The following MIS18A variants were observed in gnomAD, a reference collection of about 807,000 sequenced individuals.
MIS18A encodes MIS18 kinetochore protein A.
Under a neutral mutation model 25.0 loss-of-function variants are expected in MIS18A, and 14 were observed. The ratio of observed to expected loss-of-function variants is 0.56; its 90% confidence interval spans 0.37 to 0.88. The LOEUF (loss-of-function observed/expected upper bound fraction) is 0.88, where lower values mean the gene tolerates loss of function less well. MIS18A is among the 40% of genes least tolerant of loss of function. The pLI, the probability that MIS18A is intolerant of heterozygous loss-of-function variation, is 0.00. For missense variants in MIS18A, 292 were observed against 290.8 expected (o/e 1.00, Z -0.03); for synonymous variants, 134 against 118.6 (o/e 1.13, Z -0.84).
At chr21:32,259,152 G>A in the MIS18A span, among the ~76,000 whole-genome samples, 1 of 152,156 alleles carries the variant, frequency 6.6e-6, no homozygotes, top group Non-Finnish European at 1.5e-5. Flanking sequence ...AGGATTTCAG[G>A]TGGGAGCCAC....
the MIS18A span, among the ~76,000 whole-genome samples, chr21:32,178,061 T>C: frequency 6.6e-6 from 1 of 151,970 alleles, no homozygotes; most frequent in East Asian, 1.9e-4. Flanking sequence ...TGAGATCACA[T>C]GAGCATGCCA....
At chr21:32,206,305 G>T in the MIS18A span, among the ~76,000 whole-genome samples, 2 of 152,110 alleles carry the variant, frequency 1.3e-5, no homozygotes, top group Non-Finnish European at 2.9e-5. Flanking sequence ...GGTGAGGGGG[G>T]ATTACTCTGA....
At chr21:32,162,782 A>G in the MIS18A span, among the ~76,000 whole-genome samples, 22 of 152,354 alleles carry the variant, frequency 1.4e-4, no homozygotes, top group African/African-American at 5.3e-4. Flanking sequence ...TCTTCCAAGC[A>G]GGAACGTACA....
At chr21:32,214,290 C>T in the MIS18A span, among the ~76,000 whole-genome samples, 3 of 152,150 alleles carry the variant, frequency 2.0e-5, no homozygotes, top group East Asian at 3.9e-4. Context: ...TTCAGAGCTC[C>T]ACATCTTGGC....
At chr21:32,259,364 A>G in the MIS18A span, among the ~76,000 whole-genome samples, 1 of 152,180 alleles carries the variant, frequency 6.6e-6, no homozygotes, top group Non-Finnish European at 1.5e-5. Flanking sequence ...AGCACTGAGA[A>G]GGCTGGGGAG....
chr21:32,263,374 T>C (rs988619355), downstream of MIS18A, among the ~76,000 whole-genome samples: 2 of 151,888 alleles, frequency 1.3e-5, no homozygotes, highest in African/African-American at 4.8e-5. Context: ...GGCGGGCGGG[T>C]CACTTGAGGC....
chr21:32,188,348 G>A, the MIS18A span, among the ~76,000 whole-genome samples: 1 of 152,204 alleles, frequency 6.6e-6, no homozygotes, highest in African/African-American at 2.4e-5. Context: ...GATTCTCCAA[G>A]CTCATTTCCC....
chr21:32,193,506 AGATAGATAGATAGATG>A, the MIS18A span, among the ~76,000 whole-genome samples: 8 of 104,668 alleles, frequency 7.6e-5, no homozygotes, highest in African/African-American at 2.5e-4. Context: ...ATAGATAGAT[AGATAGATAGATAGATG>A]GATAGATCGA....
chr21:32,195,143 T>C, the MIS18A span, among the ~76,000 whole-genome samples: 2 of 152,340 alleles, frequency 1.3e-5, no homozygotes, highest in African/African-American at 4.8e-5. Context: ...ATCAAAAAGA[T>C]TTGAATCTGT....
At chr21:32,174,117 A>T in the MIS18A span, among the ~76,000 whole-genome samples, 2 of 151,896 alleles carry the variant, frequency 1.3e-5, no homozygotes, top group South Asian at 4.2e-4. Context: ...GGTGCCCGCC[A>T]CCATGCCCAG....
the MIS18A span, among the ~76,000 whole-genome samples, chr21:32,191,153 A>C: frequency 4.6e-5 from 7 of 152,232 alleles, no homozygotes; most frequent in Non-Finnish European, 8.8e-5. Flanking sequence ...TCAACAAATA[A>C]ATGTCCAGGG....
the MIS18A span, among the ~76,000 whole-genome samples, chr21:32,159,603 G>C: frequency 1.3e-5 from 2 of 152,206 alleles, no homozygotes; most frequent in Non-Finnish European, 2.9e-5. Context: ...CTGTGACACA[G>C]CTCTCAGCGG....
chr21:32,278,985 G>A lies in MIS18A; in HGVS notation c.30C>T (p.Ser10=), dbSNP rs2031880163. The A allele has an allele frequency of 6.2e-7, 1 of 1,609,496 alleles. No individual in the cohort carries two copies. The highest frequency in any genetic ancestry group is 8.5e-7 in the Non-Finnish European group (1 of 1,179,220). MAGVRSLRC[S]RGCAGGCECG... ...ACTCACAGCCGCCAGCGCATCCTCT[G>A]CTACACCTCAGTGACCGAACGCCTG... is the stretch of plus-strand genomic sequence containing the variant. Residue 10 remains serine (S), a synonymous_variant, in exon 1 of 5, where the codon AGC becomes AGT. Coordinates refer to ENST00000290130, the MANE Select transcript of MIS18A (RefSeq NM_018944.3).
At chr21:32,193,720 C>CTT in the MIS18A span, among the ~76,000 whole-genome samples, 1 of 145,240 alleles carries the variant, frequency 6.9e-6, no homozygotes, top group African/African-American at 2.5e-5. Context: ...TAAACTATTT[C>CTT]TTTTTTTTTT....
chr21:32,249,947 A>C, the MIS18A span, among the ~76,000 whole-genome samples: 1 of 151,966 alleles, frequency 6.6e-6, no homozygotes, highest in African/African-American at 2.4e-5. Flanking sequence ...CCTCTCAACC[A>C]CTCTGTGAGG....
chr21:32,187,999 T>TTCTATCTCTC, the MIS18A span, among the ~76,000 whole-genome samples: 1 of 82,280 alleles, frequency 1.2e-5, no homozygotes, highest in African/African-American at 7.7e-5. Flanking sequence ...AGAGCTCCCT[T>TTCTATCTCTC]TCTGTCTCTC....
chr21:32,155,156 C>T, the MIS18A span, among the ~76,000 whole-genome samples: 70,555 of 151,894 alleles, frequency 0.46, 17,071 homozygotes, highest in Middle Eastern at 0.61. Context: ...TTTAATTTTA[C>T]AGCAAAATTT....
the MIS18A span, among the ~76,000 whole-genome samples, chr21:32,179,895 A>T: frequency 6.6e-6 from 1 of 151,322 alleles, no homozygotes; most frequent in Non-Finnish European, 1.5e-5. Context: ...CCAGTAATGG[A>T]GTTACGAATG....
At chr21:32,176,838 A>G in the MIS18A span, among the ~76,000 whole-genome samples, 5 of 152,152 alleles carry the variant, frequency 3.3e-5, no homozygotes, top group African/African-American at 1.2e-4. Flanking sequence ...TAGCACAGAT[A>G]CTACACAAAA....
Sources: allele counts gnomAD v4.1 joint callset (sites outside exome capture counted in the v4.1 genomes callset), GRCh38; gene constraint gnomAD v4.1.1; transcripts MANE v1.5; gene names NCBI Gene and HGNC (gene_info 2026-07-23, HGNC 2026-07-21).